WWOX: variants seen among roughly 807,000 people sequenced by gnomAD.
WWOX encodes the protein WW domain containing oxidoreductase, also known as WW domain-containing oxidoreductase.
WWOX carries 69 observed loss-of-function variants against 46.2 expected under a neutral mutation model. The ratio of observed to expected loss-of-function variants is 1.49; its 90% confidence interval spans 1.23 to 1.82. WWOX has a LOEUF of 1.82. Among genes scored for constraint, WWOX ranks in the 40% most tolerant of loss-of-function variants. The probability of loss-of-function intolerance (pLI) is 0.00; values close to 1 mark genes in which losing one functional copy is unlikely to be tolerated. For missense variants in WWOX, 919 were observed against 542.6 expected, an observed-to-expected ratio of 1.69 and a Z score of -6.89; for synonymous variants, 359 against 202.6, an observed-to-expected ratio of 1.77 and a Z score of -6.56.
At chr16:78,769,975 T>C (rs1355651574) in intron 8 of WWOX, among the ~76,000 whole-genome samples, 1 of 151,626 alleles carries the variant, frequency 6.6e-6, no homozygotes, top group Non-Finnish European at 1.5e-5. Flanking sequence ...GCTCAAGAGG[T>C]TGAGGCTGCT....
chr16:78,858,993 T>C (rs1423664509), intron 8 of WWOX, among the ~76,000 whole-genome samples: 1 of 66,662 alleles, frequency 1.5e-5, no homozygotes, highest in Admixed American at 2.2e-4. Context: ...TCTACTAGTT[T>C]TGAAATTTAA....
intron 5 of WWOX, among the ~76,000 whole-genome samples, chr16:78,380,582 C>T (rs1377085672): frequency 1.3e-5 from 2 of 152,040 alleles, no homozygotes; most frequent in African/African-American, 4.8e-5. Context: ...CAGCGGTGAC[C>T]ACCACATCTT....
chr16:79,037,189 C>G (rs1341308411), intron 8 of WWOX, among the ~76,000 whole-genome samples: 9 of 152,164 alleles, frequency 5.9e-5, no homozygotes. Context: ...AAAGTGACAG[C>G]AGTCTTGGCC....
chr16:78,405,303 C>T (rs533153875), intron 6 of WWOX, among the ~76,000 whole-genome samples: 1 of 152,236 alleles, frequency 6.6e-6, no homozygotes, highest in African/African-American at 2.4e-5. Flanking sequence ...GGATTATTTT[C>T]TCTATTCCAA....
chr16:78,689,942 C>A (rs1030224590), intron 8 of WWOX, among the ~76,000 whole-genome samples: 4 of 152,090 alleles, frequency 2.6e-5, no homozygotes, highest in East Asian at 1.9e-4. Context: ...CTCACTGCAA[C>A]CTCTGCCTCG....
At chr16:78,908,076 C>T (rs562313055) in intron 8 of WWOX, among the ~76,000 whole-genome samples, 3 of 152,310 alleles carry the variant, frequency 2.0e-5, no homozygotes, top group South Asian at 2.1e-4. Context: ...TCCCAAATTG[C>T]AGGATAACAA....
In WWOX at chr16:79,189,227, G is replaced by A. The variant is rs898759481; in HGVS notation, c.1057-22381G>A. On this transcript the variant is annotated intron_variant, in intron 8 of 8. Coordinates refer to ENST00000566780, the MANE Select transcript of WWOX (RefSeq NM_016373.4). Reference sequence around the variant, plus strand: ...AAAATTGCCTGAGCATTTGGAACAGGCATCTATTAGGAAAGCCTATTTCTT... The same window carrying A: ...AAAATTGCCTGAGCATTTGGAACAGACATCTATTAGGAAAGCCTATTTCTT... 2.0e-5 allele frequency among the ~76,000 whole-genome samples: 3 copies of A among 152,010 alleles called. No homozygotes were observed. In the East Asian group the frequency reaches 5.8e-4, roughly 29 times the overall value.
chr16:79,001,597 G>A (rs1182196262), intron 8 of WWOX, among the ~76,000 whole-genome samples: 6 of 151,904 alleles, frequency 3.9e-5, no homozygotes, highest in Non-Finnish European at 7.4e-5. Flanking sequence ...TATACATTAA[G>A]GTGCATGCAA....
intron 8 of WWOX, among the ~76,000 whole-genome samples, chr16:78,701,979 G>A (rs1170093812): frequency 7.2e-6 from 1 of 138,642 alleles, no homozygotes; most frequent in Non-Finnish European, 1.5e-5. Flanking sequence ...GAGCCCAGGA[G>A]TTGGAGACTA....
intron 8 of WWOX, among the ~76,000 whole-genome samples, chr16:78,623,804 G>A (rs1356215649): frequency 6.6e-6 from 1 of 151,548 alleles, no homozygotes; most frequent in Admixed American, 6.6e-5. Context: ...TATGAATGAA[G>A]AAGAAAATAA....
At chr16:78,742,368 G>C (rs1009814390) in intron 8 of WWOX, among the ~76,000 whole-genome samples, 1 of 152,174 alleles carries the variant, frequency 6.6e-6, no homozygotes, top group Non-Finnish European at 1.5e-5. Flanking sequence ...CCCACTTCTA[G>C]CTCTGGCTCA....
intron 8 of WWOX, among the ~76,000 whole-genome samples, chr16:78,548,161 A>G (rs1338293043): frequency 2.8e-5 from 2 of 71,880 alleles, no homozygotes; most frequent in Non-Finnish European, 7.4e-5. Context: ...TCAAAAAAAA[A>G]AAAAAAAAAA....
chr16:78,950,541 C>CAT (rs956628905), intron 8 of WWOX, among the ~76,000 whole-genome samples: 1 of 134,998 alleles, frequency 7.4e-6, no homozygotes, highest in Non-Finnish European at 1.8e-5. Context: ...CATACACACA[C>CAT]ACACACACAC....
intron 8 of WWOX, among the ~76,000 whole-genome samples, chr16:78,610,176 T>C (rs771364612): frequency 2.6e-5 from 4 of 152,204 alleles, no homozygotes; most frequent in Non-Finnish European, 4.4e-5. Context: ...TCGCTTGATA[T>C]ACCTTCCAAA....
intron 8 of WWOX, among the ~76,000 whole-genome samples, chr16:79,199,248 A>G (rs1490797323): frequency 6.6e-6 from 1 of 152,128 alleles, no homozygotes; most frequent in African/African-American, 2.4e-5. Flanking sequence ...TTTTTAGTAG[A>G]GATGAGGTTT....
intron 8 of WWOX, among the ~76,000 whole-genome samples, chr16:78,902,555 T>A: frequency 6.6e-6 from 1 of 152,242 alleles, no homozygotes. Flanking sequence ...TGCGGGGGCC[T>A]AGGCCAAAGA....
chr16:79,014,694 G>A (rs990747082), intron 8 of WWOX, among the ~76,000 whole-genome samples: 1 of 152,210 alleles, frequency 6.6e-6, no homozygotes, highest in South Asian at 2.1e-4. Context: ...TGATTTCAGA[G>A]ATGAAAGAAC....
intron 8 of WWOX, among the ~76,000 whole-genome samples, chr16:78,657,587 C>A (rs929529560): frequency 6.6e-6 from 1 of 152,136 alleles, no homozygotes; most frequent in African/African-American, 2.4e-5. Flanking sequence ...AAGCCAGAGG[C>A]CCACAGCCTA....
At chr16:78,245,576 C>G (rs149358134) in intron 5 of WWOX, among the ~76,000 whole-genome samples, 2 of 152,288 alleles carry the variant, frequency 1.3e-5, no homozygotes, top group African/African-American at 4.8e-5. Context: ...CGAATGTATT[C>G]TAGATGGGCC....
Sources: gnomAD v4.1 joint callset for allele counts (sites outside exome capture counted in the v4.1 genomes callset) on GRCh38, gnomAD v4.1.1 for gene constraint, MANE v1.5 for transcripts, NCBI Gene and HGNC (gene_info 2026-07-23, HGNC 2026-07-21) for gene names.